CCDC171: variants seen among roughly 807,000 people sequenced by gnomAD.
CCDC171 encodes coiled-coil domain containing 171.
A neutral mutation model predicts 168.2 loss-of-function variants in CCDC171; 177 were observed. The observed-to-expected ratio is 1.05, with a 90% CI of 0.93 to 1.19. The LOEUF (loss-of-function observed/expected upper bound fraction) is 1.19. Among genes scored for constraint, CCDC171 ranks in the 50% most tolerant of loss-of-function variants. CCDC171 has a pLI of 0.00. For synonymous variants in CCDC171, 687 were observed against 540.8 expected (o/e 1.27, Z -3.75); for missense variants, 1,991 against 1,539.0 (o/e 1.29, Z -4.91).
chr9:15,698,378 A>G (rs2051388919), intron 11 of CCDC171, among the ~76,000 whole-genome samples: 1 of 152,054 alleles, frequency 6.6e-6, no homozygotes, highest in Non-Finnish European at 1.5e-5. Context: ...AAAATTAGCC[A>G]GGCGTGGTGG....
intron 1 of CCDC171, among the ~76,000 whole-genome samples, chr9:16,059,718 G>C (rs1415363776): frequency 6.6e-6 from 1 of 150,434 alleles, no homozygotes; most frequent in African/African-American, 2.4e-5. Context: ...GTTTCACCTT[G>C]TTAGCCAGGA....
chr9:15,897,810 C>T (rs921396135), intron 24 of CCDC171, among the ~76,000 whole-genome samples: 17 of 152,228 alleles, frequency 1.1e-4, no homozygotes, highest in African/African-American at 3.9e-4. Context: ...ACTGATTTCA[C>T]TGAGAAACAA....
At chr9:15,631,095 C>T (rs915127007) in intron 7 of CCDC171, among the ~76,000 whole-genome samples, 1 of 152,054 alleles carries the variant, frequency 6.6e-6, no homozygotes, top group Non-Finnish European at 1.5e-5. Context: ...GACACCCTAA[C>T]ATCACAATTA....
At position 16,004,877 on chromosome 9, in the gene CCDC171, A is replaced by G. The variant is rs990992363; in HGVS notation, n.369-15712A>G. On this transcript the variant is annotated intron_variant and non_coding_transcript_variant, in intron 3 of 9. Transcript: ENST00000486641. Reference sequence around the variant, plus strand: ...CATTTCCCTGGAGGCCCTTAACATTATAGAAGAGTCTGACCTTGGAAGGAT... The same window carrying G: ...CATTTCCCTGGAGGCCCTTAACATTGTAGAAGAGTCTGACCTTGGAAGGAT... Among the ~76,000 whole-genome samples the G allele has an allele frequency of 1.4e-4, 21 of 152,300 alleles. 1 individual carries two copies. The highest frequency in any genetic ancestry group is 6.8e-3 in the Middle Eastern group (2 of 294).
chr9:15,814,561 G>C (rs960591278), intron 21 of CCDC171, among the ~76,000 whole-genome samples: 3 of 151,948 alleles, frequency 2.0e-5, no homozygotes, highest in South Asian at 4.1e-4. Context: ...AAGAATGACT[G>C]AATCATTTGG....
intron 1 of CCDC171, among the ~76,000 whole-genome samples, chr9:16,058,495 G>C (rs1025959033): frequency 3.3e-5 from 5 of 152,174 alleles, no homozygotes; most frequent in Admixed American, 3.3e-4. Flanking sequence ...TTCTCCACAC[G>C]GGGGCCTGTT....
rs1338547619 is a variant in CCDC171 at position 15,619,575 on chromosome 9, G to T, written c.676-3692G>T. The stretch of plus-strand genomic sequence containing the variant: ...AAAAGTTGGAGGCTAGGAGAGATTG[G>T]TTCATGACTTTTAGGGAAATAAGAC... On this transcript the variant is annotated intron_variant, in intron 6 of 25. Transcript: ENST00000380701. Among the ~76,000 whole-genome samples, 4 of 152,158 alleles carry T rather than the reference G, an allele frequency of 2.6e-5. No homozygotes were observed. The East Asian group carries it at 7.7e-4, about 29-fold the overall frequency.
chr9:15,573,488 G>C (rs1239751743), intron 3 of CCDC171, among the ~76,000 whole-genome samples: 1 of 152,012 alleles, frequency 6.6e-6, no homozygotes, highest in Non-Finnish European at 1.5e-5. Flanking sequence ...TACCATGTTG[G>C]CTAGGCTGGT....
intron 9 of CCDC171, among the ~76,000 whole-genome samples, chr9:15,676,011 A>G (rs1428435500): frequency 6.6e-6 from 1 of 152,330 alleles, no homozygotes; most frequent in Non-Finnish European, 1.5e-5. Context: ...AGGTACACCA[A>G]TCAAATGCAG....
At chr9:15,677,781 G>T (rs771884097) in intron 9 of CCDC171, among the ~76,000 whole-genome samples, 1 of 141,464 alleles carries the variant, frequency 7.1e-6, no homozygotes, top group Non-Finnish European at 1.5e-5. Flanking sequence ...GTGTGTGTGT[G>T]TATATATACC....
chr9:15,667,647 A>G (rs991962499), intron 9 of CCDC171, among the ~76,000 whole-genome samples: 1 of 152,166 alleles, frequency 6.6e-6, no homozygotes, highest in African/African-American at 2.4e-5. Flanking sequence ...CTGCATCTCA[A>G]AAAAAAGAGA....
At chr9:15,688,228 CA>C (rs1342720934) in intron 10 of CCDC171, among the ~76,000 whole-genome samples, 5 of 151,344 alleles carry the variant, frequency 3.3e-5, no homozygotes, top group African/African-American at 2.4e-5. Flanking sequence ...AATTAGTAAT[CA>C]AAAAAACTCC....
the CCDC171 span, among the ~76,000 whole-genome samples, chr9:16,081,284 G>T: frequency 5.3e-5 from 8 of 152,138 alleles, no homozygotes; most frequent in Non-Finnish European, 8.8e-5. Flanking sequence ...ACTCAAGAAA[G>T]GTTCATCAAA....
At chr9:15,627,303 G>C (rs959385004) in intron 7 of CCDC171, among the ~76,000 whole-genome samples, 1 of 151,630 alleles carries the variant, frequency 6.6e-6, no homozygotes, top group Non-Finnish European at 1.5e-5. Flanking sequence ...AGGGTTTTTT[G>C]TGTCTTTATC....
At chr9:15,623,446 C>T (rs367580763) in intron 7 of CCDC171, 33 bp downstream of exon 7, 200 of 1,422,790 alleles carry the variant, frequency 1.4e-4, no homozygotes, top group East Asian at 1.8e-4. Context: ...AATATATATG[C>T]GTACAAACTT....
intron 25 of CCDC171, among the ~76,000 whole-genome samples, chr9:15,960,291 A>T (rs73411562): frequency 0.019 from 2,852 of 152,256 alleles, 104 homozygotes; most frequent in African/African-American, 0.066. Flanking sequence ...AAAACAGGGA[A>T]TTTTTATTTG....
chr9:15,899,292 T>C (rs1821325061), intron 24 of CCDC171, among the ~76,000 whole-genome samples: 1 of 152,340 alleles, frequency 6.6e-6, no homozygotes, highest in Admixed American at 6.5e-5. Context: ...TAAAGTTGCA[T>C]TGAACATTTT....
At chr9:15,692,505 T>C (rs975252831) in intron 10 of CCDC171, among the ~76,000 whole-genome samples, 1 of 152,070 alleles carries the variant, frequency 6.6e-6, no homozygotes, top group Non-Finnish European at 1.5e-5. Flanking sequence ...CCAGATTCTC[T>C]TCTCAGAGAC....
intron 24 of CCDC171, among the ~76,000 whole-genome samples, chr9:15,901,478 C>T (rs886628228): frequency 6.6e-6 from 1 of 152,170 alleles, no homozygotes; most frequent in Non-Finnish European, 1.5e-5. Context: ...ACTTCATGCT[C>T]AACTTTTCTG....
Sources: gnomAD v4.1 joint callset for allele counts (sites outside exome capture counted in the v4.1 genomes callset) on GRCh38, gnomAD v4.1.1 for gene constraint, MANE v1.5 for transcripts, NCBI Gene and HGNC (gene_info 2026-07-23, HGNC 2026-07-21) for gene names.